KRTCAP3: variants seen among roughly 807,000 people sequenced by gnomAD.
The protein encoded by KRTCAP3 is keratinocyte associated protein 3, also known as keratinocyte-associated protein 3.
A neutral mutation model predicts 20.5 loss-of-function variants in KRTCAP3; 18 were observed. That is an observed-to-expected ratio of 0.88 (90% CI 0.61 to 1.31). The LOEUF is 1.31. Ranked by LOEUF, KRTCAP3 falls within the 50% of genes most tolerant of loss-of-function variation. The probability of loss-of-function intolerance (pLI) is 0.00; values close to 1 mark genes in which losing one functional copy is unlikely to be tolerated. For synonymous variants in KRTCAP3, 167 were observed against 133.7 expected, an observed-to-expected ratio of 1.25 and a Z score of -1.72; for missense variants, 347 against 310.4, an observed-to-expected ratio of 1.12 and a Z score of -0.89.
At chr2:27,444,501 G>T, downstream of KRTCAP3, 1 of 1,613,514 alleles carries the variant, frequency 6.2e-7, no homozygotes. Flanking sequence ...GCACGTCCTG[G>T]CACACTGGGC....
chr2:27,444,918 G>T (rs1664911893), downstream of KRTCAP3: 4 of 1,350,628 alleles, frequency 3.0e-6, no homozygotes, highest in African/African-American at 1.5e-5. Context: ...CAAAGTGCTG[G>T]GATTAAAGGT....
rs758998859 is a variant in KRTCAP3, at chr2:27,442,931, G to A, written c.273+30G>A. On this transcript the variant is annotated intron_variant, in intron 3 of 6. Transcript: ENST00000288873. Reference sequence around the variant, plus strand: ...GAGGGACTTCCCTGGAGCTTTTAACGAGTAGGCTTGAGTCAGGGAAATGGG... The same window carrying A: ...GAGGGACTTCCCTGGAGCTTTTAACAAGTAGGCTTGAGTCAGGGAAATGGG... 2.5e-6 allele frequency: 4 copies of A among 1,611,018 alleles called. No homozygotes were observed. In the Admixed American group the frequency reaches 5.0e-5, roughly 20 times the overall value.
chr2:27,444,524 G>C, downstream of KRTCAP3: 1 of 1,612,154 alleles, frequency 6.2e-7, no homozygotes, highest in Non-Finnish European at 8.5e-7. Context: ...TGGGAGGTCT[G>C]TGAGCAAATG....
At chr2:27,445,182 T>C (rs1318798685), downstream of KRTCAP3, 1 of 1,596,662 alleles carries the variant, frequency 6.3e-7, no homozygotes, top group Non-Finnish European at 8.5e-7. The surrounding 1 kb of genome is among the most constrained non-coding windows in gnomAD (Gnocchi z 4.4). Context: ...GCCTGGGGGG[T>C]AGAAAGCACA....
downstream of KRTCAP3, chr2:27,444,653 T>TTTTG (rs10635082): frequency 0.45 from 302,365 of 674,504 alleles, 77,134 homozygotes; most frequent in African/African-American, 0.86. Flanking sequence ...TATGTGGGTT[T>TTTTG]TTTGTTTGTT....
rs749513373 is a variant in KRTCAP3 at position 27,443,564 on chromosome 2, A to G, written c.615+32A>G. The G allele has an allele frequency of 2.5e-6, 4 of 1,612,678 alleles. No individual in the cohort carries two copies. The African/African-American group carries it at 4.0e-5, about 16-fold the overall frequency. ...AAGGCAAACAGGAAGGGTTCATTCCACAGAGACTGGCTGTGTTGAAAAGAT... is the reference window on the plus strand; with the variant it reads ...AAGGCAAACAGGAAGGGTTCATTCCGCAGAGACTGGCTGTGTTGAAAAGAT... On this transcript the variant is annotated intron_variant, in intron 5 of 6. Transcript: ENST00000288873.
At chr2:27,446,042 C>A, downstream of KRTCAP3, 2 of 1,601,000 alleles carry the variant, frequency 1.2e-6, no homozygotes, top group East Asian at 2.2e-5. Flanking sequence ...TTGAATGCTA[C>A]TTCTCTGGGA....
downstream of KRTCAP3, chr2:27,444,561 G>A (rs1401005212): frequency 6.6e-7 from 1 of 1,509,322 alleles, no homozygotes. Context: ...ACTTGTTAAT[G>A]CTGGAAATAC....
chr2:27,443,884 AAAC>A, intron 5 of KRTCAP3, 62 bp from the exon 6 acceptor site: 1 of 984,012 alleles, frequency 1.0e-6, no homozygotes, highest in Non-Finnish European at 1.6e-6. Context: ...ACAAAAAACA[AAAC>A]AAAAAAAAGA....
downstream of KRTCAP3, chr2:27,444,960 T>C (rs1291696917): frequency 6.3e-7 from 1 of 1,580,514 alleles, no homozygotes; most frequent in Non-Finnish European, 8.6e-7. Context: ...TGTTTTTTTT[T>C]CTTTTTTTAG....
At position 27,443,509 on chromosome 2, in the gene KRTCAP3, A is replaced by C; in HGVS notation, c.592A>C (p.Arg198=). The part of the protein sequence containing the change: ...ALTLRGVGPC[R]KDGLQGQLEE... ...CACTCTACGTGGAGTTGGGCCCTGC[A>C]GGAAGGACGGACTTCAGGGGCAGGT... The change falls in exon 5 of 7, where the codon AGG becomes CGG. Residue 198 remains arginine, a synonymous_variant. Transcript: ENST00000288873. The C allele has an allele frequency of 6.2e-7, 1 of 1,614,174 alleles. No homozygotes were observed. Among genetic ancestry groups the C allele is most frequent in the Non-Finnish European group, 8.5e-7 (1 of 1,180,022 alleles).
At position 27,442,650 on chromosome 2, in the gene KRTCAP3, C is replaced by T. The variant is rs775116443; in HGVS notation, c.100C>T (p.Leu34=). 6.3e-7 allele frequency: 1 copy of T among 1,579,010 alleles called. No homozygotes were observed. The highest frequency in any genetic ancestry group is 1.2e-5 in the South Asian group (1 of 86,074). ...GATCTTGGTGGGCCACGTGAACCTGCTGCTGGGGGCCGTGCTGCATGGCAC... is the reference window on the plus strand; with the variant it reads ...GATCTTGGTGGGCCACGTGAACCTGTTGCTGGGGGCCGTGCTGCATGGCAC... ...ALILVGHVNL[L]LGAVLHGTVL... The change falls in exon 2 of 7, where the codon CTG becomes TTG. Residue 34 remains leucine (L), a synonymous_variant. Transcript: ENST00000288873.
chr2:27,442,449 C>T lies in KRTCAP3; in HGVS notation c.28+9C>T, dbSNP rs934841229. The T allele has an allele frequency of 1.2e-5, 19 of 1,569,010 alleles. No homozygotes were observed. The highest frequency in any genetic ancestry group is 1.7e-4 in the Middle Eastern group (1 of 5,840). On this transcript the variant is annotated intron_variant, in intron 1 of 6. Coordinates refer to ENST00000288873, the MANE Select transcript of KRTCAP3 (RefSeq NM_173853.4). ...CAGTCTCTGCGCTTTCGGTAACTTC[C>T]GGGCCCTGGCGTCTCGTCTCCTTAC... is the stretch of plus-strand genomic sequence containing the variant.
intron 5 of KRTCAP3, 30 bp from the exon 6 acceptor site, chr2:27,443,919 G>A: frequency 3.4e-6 from 4 of 1,192,652 alleles, no homozygotes; most frequent in Non-Finnish European, 5.0e-6. Context: ...CATTCAGGGC[G>A]AGGGTGTCTA....
chr2:27,443,492 G>T lies in KRTCAP3; in HGVS notation c.575G>T (p.Arg192Leu). 2 of 1,614,108 alleles carry T rather than the reference G, an allele frequency of 1.2e-6. No individual in the cohort carries two copies. The highest frequency in any genetic ancestry group is 1.7e-6 in the Non-Finnish European group (2 of 1,180,004). Residue 192 changes from arginine (R) to leucine (L), a missense_variant, in exon 5 of 7, where the codon CGT (arginine) becomes CTT (leucine). Physicochemically the swap from Arg to Leu is moderately radical, Grantham distance 102. Transcript: ENST00000288873. ...GYCCVAALTL[R>L]GVGPCRKDGL... ...TGCTGTGTGGCTGCACTCACTCTACGTGGAGTTGGGCCCTGCAGGAAGGAC... is the reference window on the plus strand; with the variant it reads ...TGCTGTGTGGCTGCACTCACTCTACTTGGAGTTGGGCCCTGCAGGAAGGAC...
chr2:27,443,265 C>A lies in KRTCAP3; in HGVS notation c.465C>A (p.Asp155Glu), dbSNP rs956049910. The change falls in exon 4 of 7, where the codon GAC becomes GAA. Residue 155 changes from aspartate (D) to glutamate (E), a missense_variant. Physicochemically the swap from Asp to Glu is conservative, Grantham distance 45. Transcript: ENST00000288873. Reference sequence around the variant, plus strand: ...CGGGACATACTGACTGCCCCTTTGACCCCACAAGAATCTATGTGAGCACAT... The same window carrying A: ...CGGGACATACTGACTGCCCCTTTGAACCCACAAGAATCTATGTGAGCACAT... Reference protein sequence around the residue: ...EGPGHTDCPFDPTRIYDTALA... With the variant: ...EGPGHTDCPFEPTRIYDTALA... 1 of 1,614,142 alleles carries A rather than the reference C, an allele frequency of 6.2e-7. No individual in the cohort carries two copies. The highest frequency in any genetic ancestry group is 8.5e-7 in the Non-Finnish European group (1 of 1,179,984).
At chr2:27,445,146 G>C, downstream of KRTCAP3, 1 of 1,610,904 alleles carries the variant, frequency 6.2e-7, no homozygotes, top group South Asian at 1.1e-5. The surrounding 1 kb of genome is among the most constrained non-coding windows in gnomAD (Gnocchi z 4.4). Context: ...GTTTGAGAGA[G>C]ATTGAGGAGG....
In KRTCAP3 at chr2:27,444,171, C is replaced by G. The variant is rs1664818031; in HGVS notation, c.*6-15C>G. 2.7e-6 allele frequency: 2 copies of G among 746,138 alleles called. No individual in the cohort carries two copies. Among genetic ancestry groups the G allele is most frequent in the Non-Finnish European group, 4.7e-6 (2 of 426,436 alleles). 46.2% of individuals were successfully genotyped at this position (746,138 alleles called of 1,614,324 possible). On this transcript the variant is annotated splice_polypyrimidine_tract_variant and intron_variant, in intron 6 of 6. Coordinates refer to ENST00000288873, the MANE Select transcript of KRTCAP3 (RefSeq NM_173853.4). Reference sequence around the variant, plus strand: ...CTTTCCCCTCTGACCTGGGTTGGTTCTCCCCTCTGTCCAGCAGGTGCTGTT... The same window carrying G: ...CTTTCCCCTCTGACCTGGGTTGGTTGTCCCCTCTGTCCAGCAGGTGCTGTT...
chr2:27,442,471 T>C (rs201522479), intron 1 of KRTCAP3, 31 bp downstream of exon 1: 187 of 1,561,852 alleles, frequency 1.2e-4, no homozygotes, highest in Admixed American at 1.5e-4. Flanking sequence ...TCTCGTCTCC[T>C]TACCCTGGGG....
Sources: allele counts gnomAD v4.1 joint callset, GRCh38; gene constraint gnomAD v4.1.1; non-coding constraint Gnocchi (gnomAD v3.1); transcripts MANE v1.5; gene names NCBI Gene and HGNC (gene_info 2026-07-23, HGNC 2026-07-21).